The following SIRPA variants were observed in gnomAD, a reference collection of about 807,000 sequenced individuals.
SIRPA encodes the protein signal regulatory protein alpha.
A neutral mutation model predicts 50.3 loss-of-function variants in SIRPA; 9 were observed. The ratio of observed to expected loss-of-function variants is 0.18; its 90% CI spans 0.11 to 0.31. The LOEUF is 0.31. SIRPA is among the 10% of genes least tolerant of loss of function. SIRPA has a pLI of 1.00. For missense variants in SIRPA, 474 were observed against 661.6 expected, an observed-to-expected ratio of 0.72 and a Z score of 3.11; for synonymous variants, 265 against 284.1, an observed-to-expected ratio of 0.93 and a Z score of 0.68.
chr20:1,915,959 A>C (rs897423380), intron 2 of SIRPA, among the ~76,000 whole-genome samples: 18 of 152,216 alleles, frequency 1.2e-4, no homozygotes, highest in African/African-American at 4.1e-4. Flanking sequence ...CCTTTATTTC[A>C]TCACCAAACA....
intron 6 of SIRPA, among the ~76,000 whole-genome samples, chr20:1,929,270 G>A (rs780870534): frequency 6.6e-6 from 1 of 152,072 alleles, no homozygotes; most frequent in African/African-American, 2.4e-5. Context: ...ATGTGTAGGT[G>A]ACCATAGCGG....
chr20:1,905,104 A>G (rs1386153925), intron 1 of SIRPA, among the ~76,000 whole-genome samples: 1 of 152,236 alleles, frequency 6.6e-6, no homozygotes, highest in Non-Finnish European at 1.5e-5. Flanking sequence ...AAAATGCTCT[A>G]TAAAAGGAAT....
chr20:1,937,191 C>T lies in SIRPA; in HGVS notation c.1267-129C>T, dbSNP rs1463768649. The T allele has an allele frequency of 8.7e-7, 1 of 1,145,382 alleles. No individual in the cohort carries two copies. Among genetic ancestry groups the T allele is most frequent in the Non-Finnish European group, 1.2e-6 (1 of 805,196 alleles). The allele number at this position is 1,145,382 out of a possible 1,614,324, so 71.0% of individuals were successfully genotyped here. On this transcript the variant is annotated intron_variant, in intron 7 of 7. Transcript: ENST00000358771. This position sits in a 1 kb window ranked among gnomAD's most constrained non-coding sequence, Gnocchi z 8.3. Reference sequence around the variant, plus strand: ...TTGGCAAGAGATGAGGGGAACATGACTTATGGCTGAGCCAGTGTGGGCCGA... The same window carrying T: ...TTGGCAAGAGATGAGGGGAACATGATTTATGGCTGAGCCAGTGTGGGCCGA...
At chr20:1,930,572 GTTT>G (rs1268166792) in intron 6 of SIRPA, among the ~76,000 whole-genome samples, 6 of 152,020 alleles carry the variant, frequency 3.9e-5, no homozygotes, top group African/African-American at 1.2e-4. Flanking sequence ...TCTCTTTTTT[GTTT>G]TTTTTGTTGT....
chr20:1,925,807 T>G (rs1247389753), intron 5 of SIRPA, among the ~76,000 whole-genome samples: 3 of 152,230 alleles, frequency 2.0e-5, no homozygotes, highest in Non-Finnish European at 2.9e-5. Flanking sequence ...TAAATACATG[T>G]TCTCTTTCCC....
At chr20:1,915,069 A>G (rs1985156156) in intron 1 of SIRPA, 30 bp from the exon 2 acceptor site, 2 of 1,568,080 alleles carry the variant, frequency 1.3e-6, no homozygotes, top group African/African-American at 2.7e-5. Flanking sequence ...CGTAAGGATG[A>G]AAAAATGACT....
rs192743696 is a variant in SIRPA at position 1,934,175 on chromosome 20, C to T, written c.1227-540C>T. Among the ~76,000 whole-genome samples the T allele has an allele frequency of 8.0e-3, 1,218 of 152,128 alleles. 54 individuals carry two copies. Among genetic ancestry groups the T allele is most frequent in the Admixed American group, 0.074 (1,133 of 15,272 alleles). ...AAACCTCCTCATAAACCTTTTAAAT[C>T]TTTATCTGTGGATTTATCCTAATTT... On this transcript the variant is annotated intron_variant, in intron 6 of 7. Coordinates refer to ENST00000358771, the MANE Select transcript of SIRPA (RefSeq NM_001040023.2). This position sits in a 1 kb window ranked among gnomAD's most constrained non-coding sequence, Gnocchi z 4.6.
Position 1,934,533 on chromosome 20 carries a change from C to T in SIRPA, c.1227-182C>T, listed in dbSNP as rs1432747736. 2.6e-5 allele frequency among the ~76,000 whole-genome samples: 4 copies of T among 152,142 alleles called. No homozygotes were observed. The East Asian group carries it at 7.7e-4, about 29-fold the overall frequency. Reference sequence around the variant, plus strand: ...AATGATAGTGCATTGCTTAGAATTCCTTTTTAGTGAGATTGACCCCTTTGT... The same window carrying T: ...AATGATAGTGCATTGCTTAGAATTCTTTTTTAGTGAGATTGACCCCTTTGT... On this transcript the variant is annotated intron_variant, in intron 6 of 7. Transcript: ENST00000358771. This position sits in a 1 kb window ranked among gnomAD's most constrained non-coding sequence, Gnocchi z 4.6.
chr20:1,897,775 G>C lies in SIRPA; in HGVS notation c.79+2249G>C, dbSNP rs537686283. ...GCCAATCATGTGAATTATCCTGGGT[G>C]GGGGAGGCAAGAGAAGAAGTTTCTA... On this transcript the variant is annotated intron_variant, in intron 1 of 7. Transcript: ENST00000358771. 7.2e-5 allele frequency among the ~76,000 whole-genome samples: 11 copies of C among 152,262 alleles called. No individual in the cohort carries two copies. The East Asian group carries it at 7.7e-4, about 11-fold the overall frequency.
At chr20:1,909,057 G>A (rs1273347972) in intron 1 of SIRPA, among the ~76,000 whole-genome samples, 2 of 152,178 alleles carry the variant, frequency 1.3e-5, no homozygotes, top group Admixed American at 1.3e-4. Context: ...AGTGCGGGGT[G>A]GAAAATCGCA....
At chr20:1,926,984 C>T (rs1478020681) in intron 5 of SIRPA, among the ~76,000 whole-genome samples, 10 of 152,280 alleles carry the variant, frequency 6.6e-5, no homozygotes, top group Admixed American at 5.2e-4. Flanking sequence ...TGTCCTATCA[C>T]TGGATTCCCA....
intron 1 of SIRPA, among the ~76,000 whole-genome samples, chr20:1,902,703 A>G (rs987484235): frequency 7.2e-5 from 11 of 152,162 alleles, no homozygotes; most frequent in Non-Finnish European, 1.3e-4. Context: ...TCTAAGGAGC[A>G]GAGGCCTCAA....
rs1018320875 is a variant in SIRPA, at chr20:1,914,361, C to A, written c.80-738C>A. Among the ~76,000 whole-genome samples, 3 of 152,284 alleles carry A rather than the reference C, an allele frequency of 2.0e-5. No individual in the cohort carries two copies. The Middle Eastern group carries it at 0.01, about 518-fold the overall frequency. On this transcript the variant is annotated intron_variant, in intron 1 of 7. Coordinates refer to ENST00000358771, the MANE Select transcript of SIRPA (RefSeq NM_001040023.2). ...CCAGATGCTGCATTTGGACGCTGTC[C>A]CCAGCCTTGGCTTATTTTATCCTCC...
intron 1 of SIRPA, among the ~76,000 whole-genome samples, chr20:1,896,013 A>G (rs1300787691): frequency 6.6e-6 from 1 of 152,224 alleles, no homozygotes; most frequent in Non-Finnish European, 1.5e-5. Context: ...CAATTAGGGA[A>G]GAGTGAGCCC....
intron 1 of SIRPA, among the ~76,000 whole-genome samples, chr20:1,907,514 CCCT>C (rs2123034897): frequency 6.6e-6 from 1 of 152,308 alleles, no homozygotes; most frequent in African/African-American, 2.4e-5. Context: ...TCATGTGGTT[CCCT>C]CCTCTTGGAA....
chr20:1,921,917 A>G (rs1985684480), intron 3 of SIRPA, among the ~76,000 whole-genome samples: 1 of 152,132 alleles, frequency 6.6e-6, no homozygotes, highest in South Asian at 2.1e-4. Flanking sequence ...ACCACCCACC[A>G]GGTGCCAAGG....
At chr20:1,901,328 G>A (rs1488433946) in intron 1 of SIRPA, among the ~76,000 whole-genome samples, 2 of 151,842 alleles carry the variant, frequency 1.3e-5, no homozygotes, top group East Asian at 1.9e-4. Context: ...ACACCGTCAC[G>A]CCCAGCTAAT....
At chr20:1,909,020 G>A (rs1313656057) in intron 1 of SIRPA, among the ~76,000 whole-genome samples, 2 of 152,238 alleles carry the variant, frequency 1.3e-5, no homozygotes, top group African/African-American at 4.8e-5. Context: ...AGATAGTAGA[G>A]GCAGCCCCCG....
Position 1,922,416 on chromosome 20 carries a change from C to T in SIRPA, c.858C>T (p.Thr286=), listed in dbSNP as rs771410735. Residue 286 remains threonine, a synonymous_variant, in exon 4 of 8, where the codon ACC becomes ACT. Coordinates refer to ENST00000358771, the MANE Select transcript of SIRPA (RefSeq NM_001040023.2). The stretch of plus-strand genomic sequence containing the variant: ...TCTACCCCCAGAGACTACAGCTGAC[C>T]TGGTTGGAGAATGGAAACGTGTCCC... ...RKFYPQRLQL[T]WLENGNVSRT... 2 of 1,614,266 alleles carry T rather than the reference C, an allele frequency of 1.2e-6. No individual in the cohort carries two copies. Among genetic ancestry groups the T allele is most frequent in the Admixed American group, 3.3e-5 (2 of 60,024 alleles).
Sources: gnomAD v4.1 joint callset for allele counts (sites outside exome capture counted in the v4.1 genomes callset) on GRCh38, gnomAD v4.1.1 for gene constraint, Gnocchi (gnomAD v3.1) non-coding constraint, MANE v1.5 for transcripts, NCBI Gene and HGNC (gene_info 2026-07-23, HGNC 2026-07-21) for gene names.